The following RNF150 variants were observed in gnomAD, a reference collection of about 807,000 sequenced individuals.
The protein encoded by RNF150 is ring finger protein 150.
A neutral mutation model predicts 39.3 loss-of-function variants in RNF150; 24 were observed. That is an observed-to-expected ratio of 0.61 (90% CI 0.44 to 0.86). RNF150 has a LOEUF of 0.86. Ranked by LOEUF, RNF150 falls within the 40% of genes least tolerant of loss-of-function variation. The pLI is 0.00. For missense variants in RNF150, 502 were observed against 587.8 expected (o/e 0.85, Z 1.51); for synonymous variants, 255 against 227.3 (o/e 1.12, Z -1.10).
At chr4:141,044,436 A>T (rs1736485778) in intron 1 of RNF150, among the ~76,000 whole-genome samples, 1 of 152,202 alleles carries the variant, frequency 6.6e-6, no homozygotes, top group South Asian at 2.1e-4. Context: ...GGAAATGGAG[A>T]AATAGTTACC....
At chr4:140,884,326 T>C (rs1394432285) in intron 6 of RNF150, among the ~76,000 whole-genome samples, 3 of 152,210 alleles carry the variant, frequency 2.0e-5, no homozygotes, top group African/African-American at 7.2e-5. Flanking sequence ...ATTTGTTCGT[T>C]TGATTGGGCC....
intron 1 of RNF150, among the ~76,000 whole-genome samples, chr4:141,021,292 A>T (rs1469706085): frequency 6.6e-6 from 1 of 152,214 alleles, no homozygotes; most frequent in Non-Finnish European, 1.5e-5. Flanking sequence ...GAAATAAAAA[A>T]ATCTAGGCTT....
At chr4:141,155,035 C>T (rs542788213) in intron 1 of RNF150, among the ~76,000 whole-genome samples, 17 of 152,020 alleles carry the variant, frequency 1.1e-4, no homozygotes, top group East Asian at 9.7e-4. Flanking sequence ...CTCTTTTGTC[C>T]GTCAACTTAA....
At chr4:140,877,300 A>G (rs559854517) in intron 6 of RNF150, among the ~76,000 whole-genome samples, 1 of 150,344 alleles carries the variant, frequency 6.7e-6, no homozygotes, top group South Asian at 2.1e-4. Context: ...TCTAGTGCAC[A>G]TTGTGTTGTC....
At chr4:141,108,929 T>C (rs1041213217) in intron 1 of RNF150, among the ~76,000 whole-genome samples, 2 of 152,194 alleles carry the variant, frequency 1.3e-5, no homozygotes, top group South Asian at 2.1e-4. Flanking sequence ...TCAAGTGCCA[T>C]TTCTATCACT....
chr4:141,165,976 T>A (rs1158594386), intron 1 of RNF150, among the ~76,000 whole-genome samples: 1 of 151,788 alleles, frequency 6.6e-6, no homozygotes, highest in Non-Finnish European at 1.5e-5. Context: ...GACAGAGACA[T>A]GAAAAACCCT....
chr4:141,097,302 G>T (rs1738826986), intron 1 of RNF150, among the ~76,000 whole-genome samples: 1 of 152,070 alleles, frequency 6.6e-6, no homozygotes, highest in Non-Finnish European at 1.5e-5. Context: ...GCATTTCTCT[G>T]CTTTGCAGCT....
chr4:141,209,243 T>G (rs185219858), intron 1 of RNF150, among the ~76,000 whole-genome samples: 1 of 152,006 alleles, frequency 6.6e-6, no homozygotes, highest in East Asian at 1.9e-4. Flanking sequence ...TTAAAAGTAT[T>G]TCATATTTAC....
chr4:140,932,179 T>A (rs1053527978), intron 4 of RNF150, among the ~76,000 whole-genome samples: 2 of 152,216 alleles, frequency 1.3e-5, no homozygotes, highest in Non-Finnish European at 2.9e-5. Context: ...CATGAACTAT[T>A]TTAAAAAGAT....
At chr4:141,020,755 G>A (rs1300940101) in intron 1 of RNF150, among the ~76,000 whole-genome samples, 1 of 152,114 alleles carries the variant, frequency 6.6e-6, no homozygotes, top group Non-Finnish European at 1.5e-5. Flanking sequence ...TTCATGATGT[G>A]TTTATTTCAG....
Position 141,049,303 on chromosome 4 carries a change from C to A in RNF150, c.485-81430G>T, listed in dbSNP as rs184369009. ...AACACAAAAACTTAAGTTGTAGAATCCAGAGATAAAAAAAAGGAGGTGACA... is the reference window on the plus strand; with the variant it reads ...AACACAAAAACTTAAGTTGTAGAATACAGAGATAAAAAAAAGGAGGTGACA... On this transcript the variant is annotated intron_variant, in intron 1 of 6. Coordinates refer to ENST00000515673, the MANE Select transcript of RNF150 (RefSeq NM_020724.2). Among the ~76,000 whole-genome samples the A allele has an allele frequency of 4.0e-4, 60 of 149,056 alleles. No homozygotes were observed. The East Asian group carries it at 0.011, about 28-fold the overall frequency.
chr4:140,998,154 G>C (rs569895062), intron 1 of RNF150, among the ~76,000 whole-genome samples: 1 of 152,158 alleles, frequency 6.6e-6, no homozygotes, highest in East Asian at 1.9e-4. Context: ...ATAGAGTTCA[G>C]TCCAGTTGCC....
chr4:141,075,164 T>G (rs1195177799), intron 1 of RNF150, among the ~76,000 whole-genome samples: 1 of 152,250 alleles, frequency 6.6e-6, no homozygotes. Flanking sequence ...GGGCAAGTGT[T>G]TTTTTAAGAA....
At chr4:141,127,037 T>A (rs1234081837) in intron 1 of RNF150, among the ~76,000 whole-genome samples, 5 of 152,090 alleles carry the variant, frequency 3.3e-5, no homozygotes, top group African/African-American at 9.7e-5. Flanking sequence ...TATCTATGAT[T>A]AAGTAATCAC....
At chr4:141,153,151 T>C (rs1402639923) in intron 1 of RNF150, among the ~76,000 whole-genome samples, 1 of 152,218 alleles carries the variant, frequency 6.6e-6, no homozygotes, top group Non-Finnish European at 1.5e-5. Flanking sequence ...ATTAAAGATG[T>C]CAGAGCACTT....
At chr4:141,145,064 A>G (rs1727178184) in intron 1 of RNF150, among the ~76,000 whole-genome samples, 3 of 152,164 alleles carry the variant, frequency 2.0e-5, no homozygotes, top group Non-Finnish European at 4.4e-5. Flanking sequence ...TAAGACATTT[A>G]CCTCATATTT....
chr4:140,943,700 G>A (rs1353153548), intron 4 of RNF150, among the ~76,000 whole-genome samples: 1 of 151,984 alleles, frequency 6.6e-6, no homozygotes, highest in Non-Finnish European at 1.5e-5. Context: ...CTCATCGCTG[G>A]GACTTTCCAC....
chr4:140,946,276 A>G (rs1013862107), intron 4 of RNF150, among the ~76,000 whole-genome samples: 16 of 152,130 alleles, frequency 1.1e-4, no homozygotes, highest in African/African-American at 3.4e-4. Flanking sequence ...GAGTTTATGC[A>G]TCAATTTTAG....
intron 1 of RNF150, among the ~76,000 whole-genome samples, chr4:141,072,293 C>A (rs1318295407): frequency 6.6e-6 from 1 of 152,190 alleles, no homozygotes; most frequent in Non-Finnish European, 1.5e-5. Flanking sequence ...CCACTGACCA[C>A]TTCTGAAAAA....
Sources: allele counts gnomAD v4.1 joint callset (sites outside exome capture counted in the v4.1 genomes callset), GRCh38; gene constraint gnomAD v4.1.1; transcripts MANE v1.5; gene names NCBI Gene and HGNC (gene_info 2026-07-23, HGNC 2026-07-21).